Variants in NRG3 observed in about 807,000 individuals in gnomAD.
NRG3 encodes the protein pro-neuregulin-3, membrane-bound isoform.
NRG3 carries 31 observed loss-of-function variants against 66.9 expected under a neutral mutation model. The observed-to-expected ratio is 0.46, with a 90% CI of 0.35 to 0.63. The LOEUF (loss-of-function observed/expected upper bound fraction) is 0.63, where lower values mean the gene tolerates loss of function less well. NRG3 is among the 20% of genes least tolerant of loss of function. NRG3 has a pLI of 0.00. For missense variants in NRG3, 910 were observed against 878.9 expected, an observed-to-expected ratio of 1.04 and a Z score of -0.45; for synonymous variants, 393 against 359.4, an observed-to-expected ratio of 1.09 and a Z score of -1.06.
At chr10:82,475,058 C>A (rs990261845) in intron 2 of NRG3, among the ~76,000 whole-genome samples, 1 of 150,688 alleles carries the variant, frequency 6.6e-6, no homozygotes, top group Non-Finnish European at 1.5e-5. Flanking sequence ...TTAAAAACCT[C>A]GAAAAACAGC....
intron 2 of NRG3, among the ~76,000 whole-genome samples, chr10:82,551,746 G>A (rs1183773255): frequency 6.6e-6 from 1 of 152,008 alleles, no homozygotes; most frequent in Admixed American, 6.6e-5. Context: ...CCTGTCCCAA[G>A]TGCTTCGTCT....
chr10:82,581,284 C>A (rs2046341824), intron 2 of NRG3, among the ~76,000 whole-genome samples: 1 of 151,894 alleles, frequency 6.6e-6, no homozygotes, highest in African/African-American at 2.4e-5. Flanking sequence ...TAGGTTGTTT[C>A]TTTACTTATT....
chr10:81,918,802 A>G (rs1589451230), intron 1 of NRG3, among the ~76,000 whole-genome samples: 1 of 89,458 alleles, frequency 1.1e-5, no homozygotes, highest in Admixed American at 1.2e-4. Context: ...CTTTGTTCAT[A>G]CTACTAGGAT....
At position 82,901,652 on chromosome 10, in the gene NRG3, C is replaced by T. The variant is rs145238945; in HGVS notation, c.1054+36215C>T. On this transcript the variant is annotated intron_variant, in intron 4 of 8. Transcript: ENST00000372141. ...CCAAGCGGCAGCAGAATGGTACATA[C>T]AGAACAGGTGAAGATTTCTTAAGCA... 3.7e-3 allele frequency among the ~76,000 whole-genome samples: 564 copies of T among 152,280 alleles called. 5 individuals carry two copies. The highest frequency in any genetic ancestry group is 0.013 in the African/African-American group (542 of 41,558).
rs147629702 is a variant in NRG3 at position 82,116,091 on chromosome 10, C to A, written c.823+239928C>A. Among the ~76,000 whole-genome samples, 630 of 152,126 alleles carry A rather than the reference C, an allele frequency of 4.1e-3. 5 individuals carry two copies. Among genetic ancestry groups the A allele is most frequent in the African/African-American group, 0.015 (604 of 41,498 alleles). ...TTGTACAAGTAGATACTTTTATAAC[C>A]CATCATATTTTAACCTCAACAAAGT... On this transcript the variant is annotated intron_variant, in intron 1 of 8. Coordinates refer to ENST00000372141, the MANE Select transcript of NRG3 (RefSeq NM_001010848.4).
intron 1 of NRG3, among the ~76,000 whole-genome samples, chr10:82,344,907 GTTGT>G (rs1320867535): frequency 4.3e-5 from 5 of 116,202 alleles, no homozygotes; most frequent in Non-Finnish European, 6.3e-5. Context: ...TTTTGATGGG[GTTGT>G]TTGTTTTTTT....
At chr10:82,192,317 A>G (rs1443613230) in intron 1 of NRG3, among the ~76,000 whole-genome samples, 3 of 152,350 alleles carry the variant, frequency 2.0e-5, no homozygotes, top group East Asian at 3.9e-4. Context: ...ACTCCTGTGC[A>G]GTATTTCAGT....
At chr10:82,567,151 T>A (rs1240256608) in intron 2 of NRG3, among the ~76,000 whole-genome samples, 3 of 152,058 alleles carry the variant, frequency 2.0e-5, no homozygotes, top group African/African-American at 7.2e-5. Context: ...AAATGAAGAT[T>A]TTTATGGTCA....
intron 2 of NRG3, among the ~76,000 whole-genome samples, chr10:82,377,433 C>CGTGTGT (rs1351097784): frequency 1.6e-5 from 2 of 121,876 alleles, no homozygotes; most frequent in African/African-American, 6.4e-5. Flanking sequence ...TGTGTGTGTG[C>CGTGTGT]GCGTGTGTGT....
chr10:82,915,032 G>A (rs1845700303), intron 4 of NRG3, among the ~76,000 whole-genome samples: 1 of 152,144 alleles, frequency 6.6e-6, no homozygotes, highest in Admixed American at 6.6e-5. Context: ...GTTTATGGAA[G>A]GAAAACTTAT....
intron 1 of NRG3, among the ~76,000 whole-genome samples, chr10:82,163,952 G>GTTTTTTTTTTT (rs2071822364): frequency 6.9e-6 from 1 of 145,920 alleles, no homozygotes. Context: ...ATGGAGTCTC[G>GTTTTTTTTTTT]CTCTGTTGCC....
intron 6 of NRG3, among the ~76,000 whole-genome samples, chr10:82,968,283 C>T (rs547824770): frequency 1.3e-5 from 2 of 152,146 alleles, no homozygotes; most frequent in South Asian, 2.1e-4. Flanking sequence ...AAGCAACCTC[C>T]GGATAGGAAT....
intron 2 of NRG3, among the ~76,000 whole-genome samples, chr10:82,416,597 GT>G: frequency 6.6e-6 from 1 of 152,244 alleles, no homozygotes. Flanking sequence ...ACTTGACTGG[GT>G]TCTTTGCTGT....
chr10:81,915,979 T>C (rs186927014), intron 1 of NRG3, among the ~76,000 whole-genome samples: 1 of 152,012 alleles, frequency 6.6e-6, no homozygotes, highest in Admixed American at 6.6e-5. Flanking sequence ...TAAAAAGAAA[T>C]AGACAAATTA....
intron 2 of NRG3, among the ~76,000 whole-genome samples, chr10:82,509,981 C>A (rs1441021745): frequency 6.6e-6 from 1 of 152,148 alleles, no homozygotes; most frequent in African/African-American, 2.4e-5. Context: ...AAGGTTACTT[C>A]TCCCTGCACT....
intron 1 of NRG3, among the ~76,000 whole-genome samples, chr10:82,253,093 C>G (rs2077561004): frequency 6.6e-6 from 1 of 152,172 alleles, no homozygotes. Flanking sequence ...ATCATCATAC[C>G]TTGGAATTTC....
intron 1 of NRG3, among the ~76,000 whole-genome samples, chr10:82,001,831 G>A (rs2061181600): frequency 6.6e-6 from 1 of 152,138 alleles, no homozygotes; most frequent in Admixed American, 6.5e-5. Flanking sequence ...GTTCATGTAA[G>A]TGCATGTAAA....
At chr10:82,419,473 T>C (rs1023592474) in intron 2 of NRG3, among the ~76,000 whole-genome samples, 3 of 152,162 alleles carry the variant, frequency 2.0e-5, no homozygotes, top group African/African-American at 7.2e-5. Context: ...CTTAGAAAAA[T>C]CTAAATGTTT....
intron 3 of NRG3, among the ~76,000 whole-genome samples, chr10:82,801,611 G>C (rs946218552): frequency 3.3e-5 from 5 of 152,122 alleles, no homozygotes; most frequent in African/African-American, 1.2e-4. Context: ...GTAATCTTCA[G>C]CTGCCTTTTG....
Sources: gnomAD v4.1 joint callset for allele counts (sites outside exome capture counted in the v4.1 genomes callset) on GRCh38, gnomAD v4.1.1 for gene constraint, MANE v1.5 for transcripts, NCBI Gene and HGNC (gene_info 2026-07-23, HGNC 2026-07-21) for gene names.